The following MLLT3 variants were observed in gnomAD, a reference collection of about 807,000 sequenced individuals.
The protein encoded by MLLT3 is protein AF-9.
MLLT3 carries 4 observed loss-of-function variants against 53.2 expected under a neutral mutation model. The ratio of observed to expected loss-of-function variants is 0.08; its 90% CI spans 0.04 to 0.17. The LOEUF (loss-of-function observed/expected upper bound fraction) is 0.17. MLLT3 is among the 10% of genes least tolerant of loss of function. The pLI is 1.00. For missense variants in MLLT3, 569 were observed against 684.0 expected (o/e 0.83, Z 1.87); for synonymous variants, 283 against 230.6 (o/e 1.23, Z -2.06).
At chr9:20,594,116 A>G (rs1229126366) in intron 2 of MLLT3, among the ~76,000 whole-genome samples, 1 of 151,376 alleles carries the variant, frequency 6.6e-6, no homozygotes, top group Non-Finnish European at 1.5e-5. Flanking sequence ...AATTTTTTGT[A>G]TTTTAGTAGA....
chr9:20,620,303 T>A lies in MLLT3; in HGVS notation c.193+351A>T, dbSNP rs1820962791. Among the ~76,000 whole-genome samples the A allele has an allele frequency of 6.7e-6, 1 of 149,340 alleles. No homozygotes were observed. Among genetic ancestry groups the A allele is most frequent in the Non-Finnish European group, 1.5e-5 (1 of 67,612 alleles). On this transcript the variant is annotated intron_variant, in intron 2 of 10. Transcript: ENST00000380338. The surrounding 1 kb of genome is among the most constrained non-coding windows in gnomAD (Gnocchi z 6.1). ...CACACACACACACACACGCGCAAAG[T>A]GTTTATTCCCTCCAGCCCGATTCCC...
chr9:20,602,394 T>C (rs113625520), intron 2 of MLLT3, among the ~76,000 whole-genome samples: 5,348 of 152,214 alleles, frequency 0.035, 122 homozygotes, highest in Non-Finnish European at 0.051. Flanking sequence ...TTCAATAAGG[T>C]TAAATGTGGT....
Position 20,556,203 on chromosome 9 carries a change from T to C in MLLT3, c.193+64451A>G, listed in dbSNP as rs549026389. ...CAATCATTTATCAGAATTTGTAATA[T>C]AATCATGTTATTTTGATCAACTCCA... is the stretch of plus-strand genomic sequence containing the variant. On this transcript the variant is annotated intron_variant, in intron 2 of 10. Transcript: ENST00000380338. Among the ~76,000 whole-genome samples, 4 of 152,330 alleles carry C rather than the reference T, an allele frequency of 2.6e-5. 1 individual carries two copies. The highest frequency in any genetic ancestry group is 4.1e-4 in the South Asian group (2 of 4,830).
At chr9:20,419,652 G>GT in intron 4 of MLLT3, among the ~76,000 whole-genome samples, 1 of 152,178 alleles carries the variant, frequency 6.6e-6, no homozygotes, top group Admixed American at 6.5e-5. Context: ...AGAAAGAACA[G>GT]TAACATCCAG....
intron 2 of MLLT3, among the ~76,000 whole-genome samples, chr9:20,581,925 T>C (rs928187397): frequency 6.6e-6 from 1 of 152,182 alleles, no homozygotes; most frequent in South Asian, 2.1e-4. Context: ...TTCTCTCCTA[T>C]TTTTGAAACC....
At chr9:20,376,501 G>GT (rs1249609025) in intron 5 of MLLT3, among the ~76,000 whole-genome samples, 3 of 152,086 alleles carry the variant, frequency 2.0e-5, no homozygotes, top group African/African-American at 7.2e-5. Context: ...TGAGGTGCCT[G>GT]TTTTTACAAT....
intron 2 of MLLT3, among the ~76,000 whole-genome samples, chr9:20,525,444 T>C (rs1029664625): frequency 2.6e-5 from 4 of 152,176 alleles, no homozygotes; most frequent in Non-Finnish European, 5.9e-5. Context: ...TACAGTGTGC[T>C]GAGATCCTGC....
chr9:20,555,811 C>G (rs1312498433), intron 2 of MLLT3, among the ~76,000 whole-genome samples: 1 of 152,158 alleles, frequency 6.6e-6, no homozygotes, highest in Non-Finnish European at 1.5e-5. Flanking sequence ...AGAAACATTT[C>G]TAGACGTCTA....
In MLLT3 at chr9:20,621,011, A is replaced by C. The variant is rs1014415296; in HGVS notation, c.13-177T>G. On this transcript the variant is annotated intron_variant, in intron 1 of 10. Transcript: ENST00000380338. The surrounding 1 kb of genome is among the most constrained non-coding windows in gnomAD (Gnocchi z 7.0). ...GCGCACACTCCACACCCCCAAATAT[A>C]CCCGCCCGCCCGGCCCGGCTTGGCC... 6 of 766,698 alleles carry C rather than the reference A, an allele frequency of 7.8e-6. No homozygotes were observed. The highest frequency in any genetic ancestry group is 1.3e-5 in the Non-Finnish European group (6 of 450,676). The allele number at this position is 766,698 out of a possible 1,614,324, so 47.5% of individuals were successfully genotyped here. A position where few individuals can be genotyped will look rare whatever the true frequency, so the allele number is the denominator to read the frequency against.
intron 2 of MLLT3, among the ~76,000 whole-genome samples, chr9:20,585,774 G>A (rs60838819): frequency 6.7e-4 from 102 of 152,198 alleles, no homozygotes; most frequent in African/African-American, 2.4e-3. Context: ...GGTCATCTTG[G>A]AGCATGATCA....
chr9:20,613,077 T>C (rs1352458221), intron 2 of MLLT3, among the ~76,000 whole-genome samples: 1 of 152,160 alleles, frequency 6.6e-6, no homozygotes, highest in Non-Finnish European at 1.5e-5. Flanking sequence ...GATGAAATAC[T>C]AAGCAGAAGA....
chr9:20,483,933 G>C (rs186558600), intron 2 of MLLT3, among the ~76,000 whole-genome samples: 1 of 151,156 alleles, frequency 6.6e-6, no homozygotes, highest in Non-Finnish European at 1.5e-5. Flanking sequence ...GGATGGTCTC[G>C]ATCTCCTGAC....
chr9:20,420,160 T>A (rs1413130300), intron 4 of MLLT3, among the ~76,000 whole-genome samples: 1 of 151,914 alleles, frequency 6.6e-6, no homozygotes, highest in Non-Finnish European at 1.5e-5. Context: ...AAATGGAAAA[T>A]GAATATCAAC....
At chr9:20,462,803 T>G (rs1250084596) in intron 2 of MLLT3, among the ~76,000 whole-genome samples, 1 of 152,058 alleles carries the variant, frequency 6.6e-6, no homozygotes, top group Non-Finnish European at 1.5e-5. Flanking sequence ...TTTATGAAAT[T>G]GAGTAAATTT....
intron 2 of MLLT3, chr9:20,502,490 T>A: frequency 6.6e-6 from 1 of 152,430 alleles, no homozygotes; most frequent in East Asian, 1.9e-4. Flanking sequence ...GGGTTCCACA[T>A]CTGTGGATTC....
intron 10 of MLLT3, among the ~76,000 whole-genome samples, chr9:20,351,696 C>G (rs892669822): frequency 6.6e-6 from 1 of 152,182 alleles, no homozygotes; most frequent in African/African-American, 2.4e-5. Context: ...ATCCTGGGCC[C>G]ACCAGAAATT....
At chr9:20,513,367 C>T (rs1817811136) in intron 2 of MLLT3, among the ~76,000 whole-genome samples, 2 of 152,180 alleles carry the variant, frequency 1.3e-5, no homozygotes, top group African/African-American at 4.8e-5. Context: ...GGAAATACAA[C>T]ACAAACATGT....
chr9:20,583,091 A>C (rs1819843373), intron 2 of MLLT3, among the ~76,000 whole-genome samples: 1 of 152,244 alleles, frequency 6.6e-6, no homozygotes, highest in African/African-American at 2.4e-5. Flanking sequence ...CTTCCTAGAT[A>C]CAATGGGAGT....
intron 2 of MLLT3, among the ~76,000 whole-genome samples, chr9:20,503,079 C>G (rs548670294): frequency 5.9e-5 from 9 of 152,156 alleles, no homozygotes; most frequent in Non-Finnish European, 1.3e-4. Flanking sequence ...GAAAGACATA[C>G]TGTGTTCACA....
Sources: gnomAD v4.1 joint callset for allele counts (sites outside exome capture counted in the v4.1 genomes callset) on GRCh38, gnomAD v4.1.1 for gene constraint, Gnocchi (gnomAD v3.1) non-coding constraint, MANE v1.5 for transcripts, NCBI Gene and HGNC (gene_info 2026-07-23, HGNC 2026-07-21) for gene names.